Variants in CSMD1 observed in about 807,000 individuals in gnomAD.
The protein encoded by CSMD1 is CUB and Sushi multiple domains 1.
In CSMD1, 213 loss-of-function variants were observed where a neutral mutation model predicts 417.5. That is an observed-to-expected ratio of 0.51 (90% confidence interval 0.46 to 0.57). The LOEUF (loss-of-function observed/expected upper bound fraction) is 0.57, where lower values mean the gene tolerates loss of function less well. Among genes scored for constraint, CSMD1 ranks in the 20% least tolerant of loss-of-function variants. The probability of loss-of-function intolerance (pLI) is 0.00; values close to 1 mark genes in which losing one functional copy is unlikely to be tolerated. For missense variants in CSMD1, 6,923 were observed against 4,529.7 expected, an observed-to-expected ratio of 1.53 and a Z score of -15.17; for synonymous variants, 2,862 against 1,736.8, an observed-to-expected ratio of 1.65 and a Z score of -16.11.
chr8:3,505,540 T>G (rs748211793), intron 10 of CSMD1, among the ~76,000 whole-genome samples: 2 of 152,152 alleles, frequency 1.3e-5, no homozygotes, highest in African/African-American at 4.8e-5. Flanking sequence ...ATGACAATAA[T>G]AGGAATACGT....
At position 4,872,544 on chromosome 8, in the gene CSMD1, G is replaced by C. The variant is rs553976180; in HGVS notation, c.85+121788C>G. Among the ~76,000 whole-genome samples the C allele has an allele frequency of 5.3e-5, 8 of 151,940 alleles. 1 individual carries two copies. Among genetic ancestry groups the C allele is most frequent in the Admixed American group, 2.0e-4 (3 of 15,270 alleles). ...TCCACCATCATTGTAAGTTTCCTGA[G>C]GCTTCCCCAACCCTGCAGAACTGTG... is the stretch of plus-strand genomic sequence containing the variant. On this transcript the variant is annotated intron_variant, in intron 1 of 69. Transcript: ENST00000635120.
At chr8:3,559,272 C>T (rs1017322268) in intron 10 of CSMD1, among the ~76,000 whole-genome samples, 1 of 152,318 alleles carries the variant, frequency 6.6e-6, no homozygotes, top group Non-Finnish European at 1.5e-5. Flanking sequence ...ATGGAAATAA[C>T]TGCCCTTGGT....
At chr8:4,237,531 C>T (rs892510385) in intron 3 of CSMD1, among the ~76,000 whole-genome samples, 2 of 82,346 alleles carry the variant, frequency 2.4e-5, no homozygotes, top group African/African-American at 6.1e-5. Flanking sequence ...GCAGTCAATA[C>T]TACTTTTTTT....
chr8:4,249,069 C>A (rs752973374), intron 3 of CSMD1, among the ~76,000 whole-genome samples: 1 of 152,158 alleles, frequency 6.6e-6, no homozygotes, highest in Admixed American at 6.5e-5. Flanking sequence ...ATCTTCCTTG[C>A]TGTTAGGCAC....
chr8:3,820,677 G>C (rs947644252), intron 5 of CSMD1, among the ~76,000 whole-genome samples: 2 of 152,202 alleles, frequency 1.3e-5, no homozygotes, highest in African/African-American at 4.8e-5. Flanking sequence ...CCAGGTTTGA[G>C]CTATTCTCTT....
chr8:3,081,412 A>G (rs1814087013), intron 49 of CSMD1, among the ~76,000 whole-genome samples: 1 of 152,220 alleles, frequency 6.6e-6, no homozygotes, highest in Admixed American at 6.5e-5. Flanking sequence ...ATCAATATAG[A>G]TTTTAAGTTC....
chr8:3,344,283 C>A (rs992257933), intron 22 of CSMD1, among the ~76,000 whole-genome samples: 3 of 152,192 alleles, frequency 2.0e-5, no homozygotes, highest in African/African-American at 2.4e-5. Flanking sequence ...TCTGCCAATG[C>A]CATGAGGCTC....
At chr8:4,045,817 G>T (rs904933339) in intron 3 of CSMD1, among the ~76,000 whole-genome samples, 1 of 152,014 alleles carries the variant, frequency 6.6e-6, no homozygotes, top group African/African-American at 2.4e-5. Context: ...TGGCTTCTCA[G>T]CATCTTCATC....
intron 7 of CSMD1, among the ~76,000 whole-genome samples, chr8:3,650,928 C>T (rs911205897): frequency 3.9e-5 from 6 of 152,126 alleles, no homozygotes; most frequent in Admixed American, 6.5e-5. Flanking sequence ...TCTCCGACTC[C>T]GATCTTGCAA....
chr8:4,921,713 T>G (rs1189061792), intron 1 of CSMD1, among the ~76,000 whole-genome samples: 1 of 152,192 alleles, frequency 6.6e-6, no homozygotes, highest in Non-Finnish European at 1.5e-5. Context: ...TATGCAATGT[T>G]TACTCACCCT....
At chr8:3,386,650 T>C (rs766275417) in intron 18 of CSMD1, among the ~76,000 whole-genome samples, 8 of 152,206 alleles carry the variant, frequency 5.3e-5, no homozygotes, top group African/African-American at 1.2e-4. Context: ...GTGAAAAGTA[T>C]TGAAGATGTA....
In CSMD1 at chr8:4,791,109, G is replaced by A. The variant is rs936290108; in HGVS notation, c.86-153551C>T. ...GAGAGAGACGGTGAGAAGAGACGGG[G>A]AGAAGAGACGGGGAGGGAGAAACTT... is the stretch of plus-strand genomic sequence containing the variant. On this transcript the variant is annotated intron_variant, in intron 1 of 69. Coordinates refer to ENST00000635120, the MANE Select transcript of CSMD1 (RefSeq NM_033225.6). Among the ~76,000 whole-genome samples, 4 of 152,108 alleles carry A rather than the reference G, an allele frequency of 2.6e-5. No homozygotes were observed. In the East Asian group the frequency reaches 7.7e-4, roughly 29 times the overall value.
At chr8:4,572,171 G>A (rs1393474152) in intron 2 of CSMD1, among the ~76,000 whole-genome samples, 2 of 152,156 alleles carry the variant, frequency 1.3e-5, no homozygotes, top group East Asian at 1.9e-4. Flanking sequence ...GGTGCTATCT[G>A]GTTATTTTGC....
At chr8:4,141,806 AT>A (rs1803808579) in intron 3 of CSMD1, among the ~76,000 whole-genome samples, 1 of 151,134 alleles carries the variant, frequency 6.6e-6, no homozygotes, top group Admixed American at 6.6e-5. Flanking sequence ...CTATTTTACA[AT>A]GACTAACTGA....
chr8:4,128,376 C>T (rs1320465715), intron 3 of CSMD1, among the ~76,000 whole-genome samples: 2 of 152,158 alleles, frequency 1.3e-5, no homozygotes, highest in Non-Finnish European at 2.9e-5. Flanking sequence ...GGATGGTAAA[C>T]AGTACCTTCG....
At chr8:3,279,948 G>C (rs897542809) in intron 26 of CSMD1, among the ~76,000 whole-genome samples, 1 of 152,176 alleles carries the variant, frequency 6.6e-6, no homozygotes, top group African/African-American at 2.4e-5. Flanking sequence ...GATTTGGGTG[G>C]GGACGTAGAA....
chr8:3,042,755 G>A (rs1178379754), intron 50 of CSMD1, among the ~76,000 whole-genome samples: 3 of 152,098 alleles, frequency 2.0e-5, no homozygotes, highest in Non-Finnish European at 4.4e-5. Context: ...TTAAAACAGT[G>A]CCTGGTGCTC....
chr8:3,191,439 G>C (rs770070356), intron 33 of CSMD1, among the ~76,000 whole-genome samples: 1 of 152,122 alleles, frequency 6.6e-6, no homozygotes, highest in African/African-American at 2.4e-5. Context: ...CTGGGTGAAA[G>C]ATTGAGAAAA....
At chr8:3,633,415 A>G (rs1454362261) in intron 7 of CSMD1, among the ~76,000 whole-genome samples, 1 of 152,206 alleles carries the variant, frequency 6.6e-6, no homozygotes, top group East Asian at 1.9e-4. Flanking sequence ...CTTCACAGTG[A>G]ATGGTTGCTA....
Sources: gnomAD v4.1 joint callset for allele counts (sites outside exome capture counted in the v4.1 genomes callset) on GRCh38, gnomAD v4.1.1 for gene constraint, MANE v1.5 for transcripts, NCBI Gene and HGNC (gene_info 2026-07-23, HGNC 2026-07-21) for gene names.